Variants in USH2A observed in about 807,000 individuals in gnomAD.
The protein encoded by USH2A is Usher syndrome 2A (autosomal recessive, mild).
USH2A carries 443 observed loss-of-function variants against 538.9 expected under a neutral mutation model. The observed-to-expected ratio is 0.82, with a 90% CI of 0.76 to 0.89. USH2A has a LOEUF of 0.89. USH2A is among the 40% of genes least tolerant of loss of function. The pLI is 0.00. For missense variants in USH2A, 6,633 were observed against 6,324.8 expected, an observed-to-expected ratio of 1.05 and a Z score of -1.65; for synonymous variants, 2,413 against 2,273.5, an observed-to-expected ratio of 1.06 and a Z score of -1.75.
chr1:215,840,560 C>A (rs1663650645), intron 46 of USH2A, among the ~76,000 whole-genome samples: 2 of 152,124 alleles, frequency 1.3e-5, no homozygotes, highest in Non-Finnish European at 2.9e-5. Context: ...AGGCTTTATA[C>A]CTACTGGCTT....
intron 3 of USH2A, 94 bp downstream of exon 3, chr1:216,418,420 C>T: frequency 7.1e-7 from 1 of 1,402,990 alleles, no homozygotes; most frequent in Non-Finnish European, 9.9e-7. Context: ...AAAGATACTG[C>T]TGCAGATTTT....
At chr1:215,847,460 C>T (rs867377194) in intron 44 of USH2A, among the ~76,000 whole-genome samples, 31 of 151,824 alleles carry the variant, frequency 2.0e-4, no homozygotes, top group Admixed American at 1.6e-3. Context: ...GCCTGGGAAA[C>T]GTGGCAATAC....
At chr1:216,340,435 C>T (rs1258023592) in intron 4 of USH2A, among the ~76,000 whole-genome samples, 1 of 151,332 alleles carries the variant, frequency 6.6e-6, no homozygotes, top group Non-Finnish European at 1.5e-5. Context: ...GGTACCATTC[C>T]TTTTGAAACT....
At chr1:215,842,753 T>C (rs1663717803) in intron 46 of USH2A, among the ~76,000 whole-genome samples, 1 of 151,668 alleles carries the variant, frequency 6.6e-6, no homozygotes, top group Admixed American at 6.6e-5. Context: ...AAGTAGGAGC[T>C]GTACAGTGAG....
intron 13 of USH2A, among the ~76,000 whole-genome samples, chr1:216,239,582 G>T (rs2035894644): frequency 6.6e-6 from 1 of 152,182 alleles, no homozygotes; most frequent in African/African-American, 2.4e-5. Context: ...AGACCATGAG[G>T]ATTATTAAAG....
intron 43 of USH2A, among the ~76,000 whole-genome samples, chr1:215,876,965 C>A (rs559875682): frequency 6.6e-6 from 1 of 152,194 alleles, no homozygotes; most frequent in South Asian, 2.1e-4. Context: ...AAAATAATGA[C>A]CCACATAGAA....
At chr1:215,648,813 G>A (rs1294861703) in intron 65 of USH2A, 47 bp from the exon 66 acceptor site, 1 of 1,546,360 alleles carries the variant, frequency 6.5e-7, no homozygotes, top group Non-Finnish European at 8.9e-7. Flanking sequence ...AAACATTAAA[G>A]GTGTTTGATG....
chr1:216,415,508 CTTTT>C (rs71161423), intron 3 of USH2A, among the ~76,000 whole-genome samples: 1,408 of 96,706 alleles, frequency 0.015, 31 homozygotes, highest in African/African-American at 0.029. Context: ...CTTCCTGTCA[CTTTT>C]TTTTTTTTTT....
chr1:215,978,690 G>A (rs1667678616), intron 35 of USH2A, among the ~76,000 whole-genome samples: 1 of 152,150 alleles, frequency 6.6e-6, no homozygotes, highest in South Asian at 2.1e-4. Context: ...ATAGTAGACA[G>A]TAGGTACAGG....
At chr1:215,626,151 C>T (rs1656015604) in intron 71 of USH2A, among the ~76,000 whole-genome samples, 1 of 151,442 alleles carries the variant, frequency 6.6e-6, no homozygotes, top group South Asian at 2.1e-4. Flanking sequence ...CCTCAGTCTA[C>T]TCATCTGTAG....
intron 9 of USH2A, among the ~76,000 whole-genome samples, chr1:216,305,411 T>C (rs2037296995): frequency 6.6e-6 from 1 of 152,166 alleles, no homozygotes; most frequent in Non-Finnish European, 1.5e-5. Context: ...CCTTATGTGT[T>C]AGATGAGTCT....
At position 216,078,320 on chromosome 1, in the gene USH2A, T is replaced by G. The variant is rs1346592254; in HGVS notation, c.5341A>C (p.Ser1781Arg). The G allele has an allele frequency of 1.9e-6, 3 of 1,613,654 alleles. No individual in the cohort carries two copies. Reference protein sequence around the residue: ...SGILTFRLNTSLAFTQVDLLL... With the variant: ...SGILTFRLNTRLAFTQVDLLL... ...AGATCCACTTGTGTAAAGGCAAGAC[T>G]GGTATTTAACCGGAAGGTCAATATT... The change falls in exon 27 of 72, where the codon AGT (serine) becomes CGT (arginine). Residue 1781 changes from serine (S) to arginine (R), a missense_variant. Ser to Arg is a moderately radical substitution (Grantham distance 110, BLOSUM62 -1). Coordinates refer to ENST00000307340, the MANE Select transcript of USH2A (RefSeq NM_206933.4).
chr1:216,125,125 C>A (rs2033221976), intron 21 of USH2A, among the ~76,000 whole-genome samples: 1 of 151,868 alleles, frequency 6.6e-6, no homozygotes, highest in Non-Finnish European at 1.5e-5. Flanking sequence ...ATTTTTAGAT[C>A]TTGAACCTTA....
intron 4 of USH2A, among the ~76,000 whole-genome samples, chr1:216,355,623 T>A (rs2038380005): frequency 1.3e-5 from 2 of 152,030 alleles, no homozygotes; most frequent in African/African-American, 4.8e-5. Flanking sequence ...GTTCTTCGGA[T>A]TAAGAAGAAA....
At chr1:215,912,481 A>ATATATATGTATATATATACG (rs1558157917) in intron 38 of USH2A, among the ~76,000 whole-genome samples, 2 of 19,720 alleles carry the variant, frequency 1.0e-4, no homozygotes, top group African/African-American at 3.6e-4. Context: ...ATATACGTAT[A>ATATATATGTATATATATACG]TATATATATG....
Position 216,070,171 on chromosome 1 carries a change from A to T in USH2A, c.5979T>A (p.Ser1993Arg). 1 of 1,614,026 alleles carries T rather than the reference A, an allele frequency of 6.2e-7. No homozygotes were observed. The highest frequency in any genetic ancestry group is 8.5e-7 in the Non-Finnish European group (1 of 1,179,962). The change falls in exon 30 of 72, where the codon AGT (serine) becomes AGA (arginine). Residue 1993 changes from serine (S) to arginine (R), a missense_variant. Transcript: ENST00000307340. Reference protein sequence around the residue: ...VIEKYILKAYSEDSTRPPRMP... With the variant: ...VIEKYILKAYREDSTRPPRMP... ...TGCGGGGTGGACGGGTGCTGTCCTC[A>T]CTATAGGCTTTCAGAATGTACTTCT...
intron 61 of USH2A, among the ~76,000 whole-genome samples, chr1:215,696,231 G>A (rs1354952717): frequency 1.3e-5 from 2 of 152,176 alleles, no homozygotes; most frequent in African/African-American, 4.8e-5. Context: ...GGAAGAGAAA[G>A]GTCATAAAGG....
chr1:216,075,862 A>G (rs1335156560), intron 27 of USH2A, among the ~76,000 whole-genome samples: 1 of 152,030 alleles, frequency 6.6e-6, no homozygotes, highest in Non-Finnish European at 1.5e-5. Flanking sequence ...TAGATTAAAA[A>G]AAAAATAGCA....
intron 30 of USH2A, among the ~76,000 whole-genome samples, chr1:216,053,094 T>C (rs2030852427): frequency 6.6e-6 from 1 of 152,180 alleles, no homozygotes; most frequent in Admixed American, 6.5e-5. Flanking sequence ...TAAGAAAATA[T>C]TGGAACTAGA....
Sources: allele counts gnomAD v4.1 joint callset (sites outside exome capture counted in the v4.1 genomes callset), GRCh38; gene constraint gnomAD v4.1.1; transcripts MANE v1.5; gene names NCBI Gene and HGNC (gene_info 2026-07-23, HGNC 2026-07-21).